The following FAM227B variants were observed in gnomAD, a reference collection of about 807,000 sequenced individuals.
FAM227B encodes the protein protein FAM227B.
In FAM227B, 88 loss-of-function variants were observed where a neutral mutation model predicts 73.8. That is an observed-to-expected ratio of 1.19 (90% confidence interval 1.00 to 1.42). FAM227B has a LOEUF of 1.42. Among genes scored for constraint, FAM227B ranks in the 40% most tolerant of loss-of-function variants. FAM227B has a pLI of 0.00. For missense variants in FAM227B, 632 were observed against 590.9 expected, an observed-to-expected ratio of 1.07 and a Z score of -0.72; for synonymous variants, 210 against 190.5, an observed-to-expected ratio of 1.10 and a Z score of -0.84.
chr15:49,570,588 G>T (rs1462446203), intron 8 of FAM227B, among the ~76,000 whole-genome samples: 1 of 151,598 alleles, frequency 6.6e-6, no homozygotes, highest in Non-Finnish European at 1.5e-5. Context: ...TGGTGTAAGT[G>T]AAACTTTGCA....
chr15:49,429,596 A>G (rs998275780), intron 11 of FAM227B, among the ~76,000 whole-genome samples: 4 of 151,908 alleles, frequency 2.6e-5, no homozygotes, highest in African/African-American at 9.7e-5. Context: ...AGATATATTG[A>G]AAGGGTTGCC....
At chr15:49,498,680 T>C (rs34146550) in intron 11 of FAM227B, among the ~76,000 whole-genome samples, 37,920 of 152,008 alleles carry the variant, frequency 0.25, 5,692 homozygotes, top group Non-Finnish European at 0.35. Context: ...GAGTGCCAAG[T>C]TGAAAAAAGA....
intron 9 of FAM227B, among the ~76,000 whole-genome samples, chr15:49,547,472 AAC>A (rs1567545950): frequency 6.6e-6 from 1 of 152,060 alleles, no homozygotes; most frequent in Non-Finnish European, 1.5e-5. Context: ...CCAATTAAAA[AAC>A]ACAGACTGGC....
At chr15:49,471,590 A>T (rs1322298504) in intron 11 of FAM227B, among the ~76,000 whole-genome samples, 9 of 151,708 alleles carry the variant, frequency 5.9e-5, no homozygotes, top group African/African-American at 2.2e-4. Context: ...TAGAGTACTG[A>T]ACATAGTTAA....
intron 11 of FAM227B, among the ~76,000 whole-genome samples, chr15:49,409,025 C>G (rs570753051): frequency 6.6e-6 from 1 of 152,000 alleles, no homozygotes; most frequent in Non-Finnish European, 1.5e-5. Context: ...TTTCTTGGTG[C>G]CTTCACTTTG....
intron 2 of FAM227B, among the ~76,000 whole-genome samples, chr15:49,612,776 T>C (rs2078027267): frequency 6.6e-6 from 1 of 152,134 alleles, no homozygotes; most frequent in Non-Finnish European, 1.5e-5. Flanking sequence ...GAATCACAAG[T>C]TCATGTTTTA....
chr15:49,464,458 G>T (rs2054084959), intron 11 of FAM227B, among the ~76,000 whole-genome samples: 1 of 152,158 alleles, frequency 6.6e-6, no homozygotes, highest in African/African-American at 2.4e-5. Context: ...TTCTAAGTTT[G>T]TAGGTTGGGC....
chr15:49,405,267 T>G (rs1027928819), intron 11 of FAM227B, among the ~76,000 whole-genome samples: 1 of 152,162 alleles, frequency 6.6e-6, no homozygotes, highest in East Asian at 1.9e-4. Flanking sequence ...TTACTGGGGT[T>G]CTCTGCCTTC....
At chr15:49,569,100 T>A (rs1027149195) in intron 8 of FAM227B, among the ~76,000 whole-genome samples, 7 of 151,960 alleles carry the variant, frequency 4.6e-5, no homozygotes, top group Non-Finnish European at 8.8e-5. Context: ...GATTCCATCT[T>A]GTTAGATTGT....
chr15:49,518,908 C>CA (rs998546518), intron 10 of FAM227B, among the ~76,000 whole-genome samples: 3 of 152,168 alleles, frequency 2.0e-5, no homozygotes, highest in Non-Finnish European at 2.9e-5. Context: ...GTCTACAGTC[C>CA]AAAATCTCAT....
chr15:49,610,329 A>C (rs1334828436), intron 3 of FAM227B, among the ~76,000 whole-genome samples: 2 of 151,752 alleles, frequency 1.3e-5, no homozygotes, highest in African/African-American at 4.8e-5. Context: ...AAAGTATTTC[A>C]ACATACTTAG....
At chr15:49,398,184 C>T (rs1181967826) in intron 11 of FAM227B, among the ~76,000 whole-genome samples, 3 of 152,080 alleles carry the variant, frequency 2.0e-5, no homozygotes, top group African/African-American at 7.2e-5. Flanking sequence ...CAAAAAAAGG[C>T]AGGGGTTGCA....
intron 11 of FAM227B, among the ~76,000 whole-genome samples, chr15:49,427,375 T>C (rs762652100): frequency 1.3e-5 from 2 of 151,992 alleles, no homozygotes; most frequent in Non-Finnish European, 2.9e-5. Context: ...AAAAAGGTAA[T>C]TGGATTGTCT....
intron 10 of FAM227B, among the ~76,000 whole-genome samples, chr15:49,508,904 T>C (rs1179294631): frequency 6.6e-6 from 1 of 152,188 alleles, no homozygotes; most frequent in Non-Finnish European, 1.5e-5. Context: ...ATTGCGTTTA[T>C]AAAGATGGTT....
At chr15:49,422,120 T>TAGAGAGAGAGAGAGAGAGAG (rs3075167) in intron 11 of FAM227B, among the ~76,000 whole-genome samples, 5,017 of 133,396 alleles carry the variant, frequency 0.038, 133 homozygotes, top group South Asian at 0.059. Flanking sequence ...GCATTTCACA[T>TAGAGAGAGAGAGAGAGAGAG]AGAGAGAGAG....
intron 3 of FAM227B, among the ~76,000 whole-genome samples, chr15:49,602,678 G>C (rs954172789): frequency 6.6e-6 from 1 of 152,062 alleles, no homozygotes; most frequent in South Asian, 2.1e-4. Flanking sequence ...TGTTTGCTTT[G>C]GTTGCCTGTG....
At chr15:49,511,836 C>G (rs1038959685) in intron 10 of FAM227B, among the ~76,000 whole-genome samples, 3 of 152,178 alleles carry the variant, frequency 2.0e-5, no homozygotes, top group Middle Eastern at 3.4e-3. Context: ...TACCGCATAT[C>G]CTTTATCCAG....
At chr15:49,361,273 G>T (rs1344654149) in intron 13 of FAM227B, among the ~76,000 whole-genome samples, 1 of 151,724 alleles carries the variant, frequency 6.6e-6, no homozygotes, top group African/African-American at 2.4e-5. Context: ...TAGGTTCAGG[G>T]GTACATGTGG....
intron 11 of FAM227B, among the ~76,000 whole-genome samples, chr15:49,476,123 T>A (rs1018288669): frequency 6.6e-6 from 1 of 152,016 alleles, no homozygotes; most frequent in African/African-American, 2.4e-5. Flanking sequence ...TATTCATCCA[T>A]CAAGATCTAA....
Sources: gnomAD v4.1 joint callset for allele counts (sites outside exome capture counted in the v4.1 genomes callset) on GRCh38, gnomAD v4.1.1 for gene constraint, MANE v1.5 for transcripts, NCBI Gene and HGNC (gene_info 2026-07-23, HGNC 2026-07-21) for gene names.